The following CHRNA7 variants were observed in gnomAD, a reference collection of about 807,000 sequenced individuals.
CHRNA7 encodes the protein cholinergic receptor nicotinic alpha 7 subunit.
A neutral mutation model predicts 48.0 loss-of-function variants in CHRNA7; 17 were observed. The observed-to-expected ratio is 0.35, with a 90% CI of 0.24 to 0.53. CHRNA7 has a LOEUF of 0.53. Among genes scored for constraint, CHRNA7 ranks in the 20% least tolerant of loss-of-function variants. CHRNA7 has a pLI of 0.92. For missense variants in CHRNA7, 155 were observed against 577.7 expected (o/e 0.27, Z 7.50); for synonymous variants, 75 against 242.3 (o/e 0.31, Z 6.41).
chr15:32,086,942 G>A (rs1473631933), intron 2 of CHRNA7, among the ~76,000 whole-genome samples: 3 of 152,048 alleles, frequency 2.0e-5, no homozygotes, highest in East Asian at 1.9e-4. Flanking sequence ...AATGGTATTC[G>A]TCAGGTCCCT....
chr15:32,153,293 G>C (rs1257012817), intron 4 of CHRNA7: 1 of 151,272 alleles, frequency 6.6e-6, no homozygotes, highest in Non-Finnish European at 1.5e-5. Context: ...GTGGTGGTGT[G>C]CACCTGTAGT....
Position 32,104,020 on chromosome 15 carries a change from C to T in CHRNA7, c.240+2673C>T, listed in dbSNP as rs1008534453. Among the ~76,000 whole-genome samples, 7 of 152,176 alleles carry T rather than the reference C, an allele frequency of 4.6e-5. No individual in the cohort carries two copies. The East Asian group carries it at 5.8e-4, about 13-fold the overall frequency. On this transcript the variant is annotated intron_variant, in intron 3 of 9. Coordinates refer to ENST00000306901, the MANE Select transcript of CHRNA7 (RefSeq NM_000746.6). Reference sequence around the variant, plus strand: ...TTATTAGGAGTCCCCATCCAGCCTTCCTGCTTCAGTGTTGCCTCTTCTGGT... The same window carrying T: ...TTATTAGGAGTCCCCATCCAGCCTTTCTGCTTCAGTGTTGCCTCTTCTGGT...
Position 32,168,759 on chromosome 15 carries a change from CCCCAT to C in CHRNA7, c.*302_*306del. On this transcript the variant is annotated 3_prime_UTR_variant, in exon 10 of 10. Coordinates refer to ENST00000306901, the MANE Select transcript of CHRNA7 (RefSeq NM_000746.6). The stretch of plus-strand genomic sequence containing the variant: ...TGCCTGGAAAGCCCTTCGGAGAGCT[CCCCAT>C]GGCTCCTCACCACCGAGACAGTTGG... 4 of 20,614 alleles carry C rather than the reference CCCCAT, an allele frequency of 1.9e-4. No homozygotes were observed. The highest frequency in any genetic ancestry group is 2.8e-4 in the Non-Finnish European group (3 of 10,612). 1.3% of individuals were successfully genotyped at this position (20,614 alleles called of 1,614,324 possible).
chr15:32,122,865 A>G (rs1222595630), intron 4 of CHRNA7, among the ~76,000 whole-genome samples: 10 of 147,614 alleles, frequency 6.8e-5, no homozygotes, highest in African/African-American at 2.5e-4. Context: ...GATAAAGGCA[A>G]AACCCTTATA....
intron 3 of CHRNA7, 58 bp downstream of exon 3, chr15:32,101,405 C>A: frequency 6.6e-7 from 1 of 1,522,672 alleles, no homozygotes; most frequent in East Asian, 2.4e-5. Flanking sequence ...ACCCAAGATT[C>A]TTGTTCTGAT....
At chr15:32,117,717 T>C (rs1057298838) in intron 4 of CHRNA7, among the ~76,000 whole-genome samples, 1 of 152,142 alleles carries the variant, frequency 6.6e-6, no homozygotes, top group Non-Finnish European at 1.5e-5. Flanking sequence ...ATGTATCTAT[T>C]ATGGAGTCAT....
chr15:32,114,242 G>A lies in CHRNA7; in HGVS notation c.350+2343G>A, dbSNP rs942561653. ...AAGAGGCAGTTTATATGGCCTATGT[G>A]TAGGATCTTTAACTCCAAAATGTAA... On this transcript the variant is annotated intron_variant, in intron 4 of 9. Transcript: ENST00000306901. Among the ~76,000 whole-genome samples the A allele has an allele frequency of 2.6e-5, 4 of 151,774 alleles. No homozygotes were observed. The South Asian group carries it at 8.3e-4, about 32-fold the overall frequency.
At chr15:32,104,156 G>C (rs778701421) in intron 3 of CHRNA7, among the ~76,000 whole-genome samples, 7 of 152,016 alleles carry the variant, frequency 4.6e-5, no homozygotes, top group Non-Finnish European at 7.4e-5. Flanking sequence ...AAGTGGCCTT[G>C]GATTCAATTC....
chr15:32,051,505 G>A (rs1261233330), intron 2 of CHRNA7, among the ~76,000 whole-genome samples: 4 of 152,182 alleles, frequency 2.6e-5, no homozygotes, highest in Admixed American at 2.6e-4. Context: ...CGTCAGAAAA[G>A]CGCAGTATTG....
intron 4 of CHRNA7, among the ~76,000 whole-genome samples, chr15:32,134,899 C>T (rs749611075): frequency 3.3e-5 from 5 of 152,170 alleles, no homozygotes; most frequent in Admixed American, 6.5e-5. Context: ...CAGTTTCCTG[C>T]GTGAATCATA....
intron 3 of CHRNA7, chr15:32,102,722 A>G (rs1204846894): frequency 2.0e-5 from 3 of 152,156 alleles, no homozygotes; most frequent in Non-Finnish European, 4.4e-5. Context: ...TTGAATGGAG[A>G]GAATGATAGT....
At chr15:32,109,748 C>T (rs1016152803) in intron 3 of CHRNA7, among the ~76,000 whole-genome samples, 7 of 152,196 alleles carry the variant, frequency 4.6e-5, no homozygotes, top group African/African-American at 1.4e-4. Context: ...TCACTGACCC[C>T]CCCGAACTAT....
intron 4 of CHRNA7, among the ~76,000 whole-genome samples, chr15:32,139,237 T>G (rs2141334373): frequency 6.6e-6 from 1 of 152,376 alleles, no homozygotes; most frequent in East Asian, 1.9e-4. Context: ...ATCCATTGTT[T>G]GGATATAGCA....
intron 2 of CHRNA7, among the ~76,000 whole-genome samples, chr15:32,033,988 C>CT (rs990231935): frequency 6.6e-6 from 1 of 152,176 alleles, no homozygotes. Context: ...CTGTTGTAGA[C>CT]TTTGACAAAT....
At chr15:32,123,903 G>A (rs1299723770) in intron 4 of CHRNA7, among the ~76,000 whole-genome samples, 2 of 130,848 alleles carry the variant, frequency 1.5e-5, no homozygotes, top group African/African-American at 3.0e-5. Context: ...GCTCCCCCCC[G>A]CCAAAAGAAT....
intron 2 of CHRNA7, among the ~76,000 whole-genome samples, chr15:32,054,259 G>C (rs1352351011): frequency 6.6e-6 from 1 of 152,174 alleles, no homozygotes; most frequent in African/African-American, 2.4e-5. Flanking sequence ...GCTGCTCACT[G>C]ATTGCCAAAG....
intron 2 of CHRNA7, among the ~76,000 whole-genome samples, chr15:32,087,856 A>T (rs2050323236): frequency 6.6e-6 from 1 of 152,140 alleles, no homozygotes. Flanking sequence ...TTTTTCTCCC[A>T]GTCACGTCAG....
At chr15:32,069,353 A>G (rs1375849727) in intron 2 of CHRNA7, among the ~76,000 whole-genome samples, 1 of 152,244 alleles carries the variant, frequency 6.6e-6, no homozygotes, top group Non-Finnish European at 1.5e-5. Context: ...TGCAATAGTC[A>G]AAGCCACTGA....
intron 2 of CHRNA7, among the ~76,000 whole-genome samples, chr15:32,033,090 C>G (rs1161222011): frequency 1.3e-5 from 2 of 152,076 alleles, no homozygotes; most frequent in African/African-American, 4.8e-5. Context: ...AGCCAGAGGT[C>G]ATGGGAAGGG....
Sources: allele counts gnomAD v4.1 joint callset (sites outside exome capture counted in the v4.1 genomes callset), GRCh38; gene constraint gnomAD v4.1.1; transcripts MANE v1.5; gene names NCBI Gene and HGNC (gene_info 2026-07-23, HGNC 2026-07-21).